The following CUX2 variants were observed in gnomAD, a reference collection of about 807,000 sequenced individuals.
The protein encoded by CUX2 is cut like homeobox 2, also known as homeobox protein cut-like 2.
Under a neutral mutation model 144.8 loss-of-function variants are expected in CUX2, and 40 were observed. The ratio of observed to expected loss-of-function variants is 0.28; its 90% confidence interval spans 0.21 to 0.36. CUX2 has a LOEUF of 0.36. Ranked by LOEUF, CUX2 falls within the 10% of genes least tolerant of loss-of-function variation. The pLI is 1.00. For synonymous variants in CUX2, 827 were observed against 875.6 expected, an observed-to-expected ratio of 0.94 and a Z score of 0.98; for missense variants, 1,615 against 1,994.0, an observed-to-expected ratio of 0.81 and a Z score of 3.62.
intron 1 of CUX2, among the ~76,000 whole-genome samples, chr12:111,052,531 G>A (rs753396399): frequency 6.6e-6 from 1 of 152,150 alleles, no homozygotes; most frequent in Non-Finnish European, 1.5e-5. Flanking sequence ...ATCTTTGTGG[G>A]TACATATCTT....
chr12:111,310,090 G>A lies in CUX2; in HGVS notation c.1308G>A (p.Glu436=). The part of the protein sequence containing the change: ...DDSIKDSLGT[E]QSYPSPQQLP... ...CCATCAAGGATTCACTGGGCACGGA[G>A]CAGTCCTACCCCTCCCCTCAGCAGC... Residue 436 remains glutamate (E), a synonymous_variant, in exon 15 of 22, where the codon GAG becomes GAA. Transcript: ENST00000261726. This position sits in a 1 kb window ranked among gnomAD's most constrained non-coding sequence, Gnocchi z 7.9. 7.0e-7 allele frequency: 1 copy of A among 1,420,236 alleles called. No individual in the cohort carries two copies. The highest frequency in any genetic ancestry group is 9.2e-7 in the Non-Finnish European group (1 of 1,085,552). 88.0% of individuals were successfully genotyped at this position (1,420,236 alleles called of 1,614,324 possible).
intron 1 of CUX2, among the ~76,000 whole-genome samples, chr12:111,202,462 G>A (rs550052488): frequency 2.6e-5 from 4 of 152,226 alleles, no homozygotes; most frequent in Non-Finnish European, 5.9e-5. Context: ...TCCAGGTCCC[G>A]CCTGCACAGG....
At chr12:111,055,905 C>T (rs1227796890) in intron 1 of CUX2, among the ~76,000 whole-genome samples, 1 of 152,234 alleles carries the variant, frequency 6.6e-6, no homozygotes, top group Non-Finnish European at 1.5e-5. Flanking sequence ...TCGGGCTGAT[C>T]GCAGCCTAGC....
chr12:111,157,312 C>T (rs1877459736), intron 1 of CUX2, among the ~76,000 whole-genome samples: 1 of 150,382 alleles, frequency 6.6e-6, no homozygotes, highest in African/African-American at 2.5e-5. Flanking sequence ...TACTATGTGC[C>T]AGGCACTAGT....
At chr12:111,172,624 G>A (rs1399566230) in intron 1 of CUX2, among the ~76,000 whole-genome samples, 7 of 152,240 alleles carry the variant, frequency 4.6e-5, no homozygotes, top group African/African-American at 1.4e-4. Flanking sequence ...TCCTGCAGCT[G>A]GGTGGAGGCT....
rs1428057706 is a variant in CUX2 at position 111,057,506 on chromosome 12, G to A, written c.63+23266G>A. ...TTGCTTTCCAAGCTGCCCTCTTGAG[G>A]GCCTCAGGGTGACCAGGCCGATTCC... On this transcript the variant is annotated intron_variant, in intron 1 of 21. Coordinates refer to ENST00000261726, the MANE Select transcript of CUX2 (RefSeq NM_015267.4). The surrounding 1 kb of genome is among the most constrained non-coding windows in gnomAD (Gnocchi z 5.1). Among the ~76,000 whole-genome samples the A allele has an allele frequency of 6.6e-6, 1 of 152,070 alleles. No individual in the cohort carries two copies. Among genetic ancestry groups the A allele is most frequent in the Non-Finnish European group, 1.5e-5 (1 of 68,008 alleles).
chr12:111,144,800 G>C (rs999992701), intron 1 of CUX2, among the ~76,000 whole-genome samples: 4 of 152,186 alleles, frequency 2.6e-5, no homozygotes, highest in South Asian at 2.1e-4. Context: ...GGCCGGGGAG[G>C]GGGTGCCTAT....
intron 16 of CUX2, among the ~76,000 whole-genome samples, chr12:111,313,069 C>T (rs1447696001): frequency 2.0e-5 from 3 of 152,100 alleles, no homozygotes; most frequent in East Asian, 1.9e-4. Flanking sequence ...GTGCCTTCAT[C>T]GTCTTTGTTT....
At chr12:111,309,968 T>C (rs1886799736) in intron 14 of CUX2, 73 bp from the exon 15 acceptor site, 1 of 1,239,004 alleles carries the variant, frequency 8.1e-7, no homozygotes, top group African/African-American at 1.6e-5. Context: ...TGGTTCTTTT[T>C]CTCCCTGTCT....
At chr12:111,122,725 C>G (rs1399639743) in intron 1 of CUX2, among the ~76,000 whole-genome samples, 1 of 152,162 alleles carries the variant, frequency 6.6e-6, no homozygotes, top group African/African-American at 2.4e-5. Context: ...CCAATTTGCA[C>G]GAGCAATAAA....
At chr12:111,145,833 T>TTTTGTTTG (rs112832532) in intron 1 of CUX2, among the ~76,000 whole-genome samples, 6 of 151,662 alleles carry the variant, frequency 4.0e-5, no homozygotes, top group South Asian at 2.1e-4. Context: ...CACCCAGCTT[T>TTTTGTTTG]TTTGTTTGTT....
At chr12:111,218,883 C>A (rs1197903113) in intron 3 of CUX2, among the ~76,000 whole-genome samples, 1 of 143,072 alleles carries the variant, frequency 7.0e-6, no homozygotes, top group Non-Finnish European at 1.5e-5. Flanking sequence ...CATTTCTCCT[C>A]TTTGCTTGAC....
intron 1 of CUX2, among the ~76,000 whole-genome samples, chr12:111,183,208 T>A (rs1301150374): frequency 1.3e-5 from 2 of 152,258 alleles, no homozygotes; most frequent in African/African-American, 4.8e-5. Flanking sequence ...AATTACTGAA[T>A]GAATGAATGA....
At position 111,214,199 on chromosome 12, in the gene CUX2, G is replaced by C; in HGVS notation, c.64-1G>C. On this transcript the variant is annotated splice_acceptor_variant, in intron 1 of 21. Coordinates refer to ENST00000261726, the MANE Select transcript of CUX2 (RefSeq NM_015267.4). LOFTEE classifies it high-confidence loss of function. Reference sequence around the variant, plus strand: ...TTTTTTTTTTTTTTTTATTGTTCCAGAAGGAGCTTAATTCCGTCGCTTCTG... The same window carrying C: ...TTTTTTTTTTTTTTTTATTGTTCCACAAGGAGCTTAATTCCGTCGCTTCTG... The C allele has an allele frequency of 5.1e-6, 7 of 1,383,574 alleles. No homozygotes were observed. The highest frequency in any genetic ancestry group is 6.8e-6 in the Non-Finnish European group (7 of 1,028,332). The allele number at this position is 1,383,574 out of a possible 1,614,324, so 85.7% of individuals were successfully genotyped here.
intron 16 of CUX2, among the ~76,000 whole-genome samples, chr12:111,318,135 G>A (rs1267272074): frequency 6.6e-6 from 1 of 151,812 alleles, no homozygotes; most frequent in African/African-American, 2.4e-5. Flanking sequence ...GTGCAGTGGT[G>A]CAAACATGGC....
chr12:111,069,332 A>G (rs73413527), intron 1 of CUX2, among the ~76,000 whole-genome samples: 10,985 of 152,018 alleles, frequency 0.072, 1,296 homozygotes, highest in African/African-American at 0.25. Context: ...TAAAGTTAGC[A>G]CAGCTCTGAA....
At chr12:111,054,239 C>A (rs1415579434) in intron 1 of CUX2, among the ~76,000 whole-genome samples, 1 of 152,258 alleles carries the variant, frequency 6.6e-6, no homozygotes, top group Non-Finnish European at 1.5e-5. Flanking sequence ...CTGCATTTCA[C>A]ACAGGGCTGG....
At chr12:111,140,057 A>T (rs1458366510) in intron 1 of CUX2, among the ~76,000 whole-genome samples, 1 of 152,122 alleles carries the variant, frequency 6.6e-6, no homozygotes, top group Non-Finnish European at 1.5e-5. Context: ...AAATGTCAGT[A>T]TTTGGCATTT....
rs11065824 is a variant in CUX2, at chr12:111,164,955, G to C, written c.64-49245G>C. Among the ~76,000 whole-genome samples the C allele has an allele frequency of 4.0e-3, 610 of 152,216 alleles. 7 individuals carry two copies. The highest frequency in any genetic ancestry group is 0.014 in the African/African-American group (564 of 41,500). On this transcript the variant is annotated intron_variant, in intron 1 of 21. Coordinates refer to ENST00000261726, the MANE Select transcript of CUX2 (RefSeq NM_015267.4). ...ATTAAAGTTTTAGGGCCAGCCATGG[G>C]GGGGAGAGGAGGAGGACAGATCAGA...
Sources: gnomAD v4.1 joint callset for allele counts (sites outside exome capture counted in the v4.1 genomes callset) on GRCh38, gnomAD v4.1.1 for gene constraint, Gnocchi (gnomAD v3.1) non-coding constraint, MANE v1.5 for transcripts, NCBI Gene and HGNC (gene_info 2026-07-23, HGNC 2026-07-21) for gene names.